VWA8: variants seen among roughly 807,000 people sequenced by gnomAD.
The protein encoded by VWA8 is von Willebrand factor A domain-containing protein 8.
Under a neutral mutation model 241.5 loss-of-function variants are expected in VWA8, and 221 were observed. The ratio of observed to expected loss-of-function variants is 0.91; its 90% CI spans 0.82 to 1.02. The LOEUF is 1.02. Ranked by LOEUF, VWA8 falls within the 50% of genes least tolerant of loss-of-function variation. VWA8 has a pLI of 0.00. For synonymous variants in VWA8, 852 were observed against 827.1 expected, an observed-to-expected ratio of 1.03 and a Z score of -0.52; for missense variants, 2,322 against 2,328.7, an observed-to-expected ratio of 1.00 and a Z score of 0.06.
At chr13:41,731,816 G>A (rs1420125588) in intron 22 of VWA8, among the ~76,000 whole-genome samples, 1 of 152,158 alleles carries the variant, frequency 6.6e-6, no homozygotes, top group Non-Finnish European at 1.5e-5. Flanking sequence ...AAACCCCATT[G>A]CTTGGTTCTC....
intron 21 of VWA8, among the ~76,000 whole-genome samples, chr13:41,750,432 AAACAACAACAAC>A (rs148479463): frequency 6.9e-6 from 1 of 144,404 alleles, no homozygotes; most frequent in Non-Finnish European, 1.5e-5. Flanking sequence ...ACTCCATCTA[AAACAACAACAAC>A]AACAACAACA....
rs372503581 is a variant in VWA8 at position 41,646,931 on chromosome 13, T to C, written c.4611+24015A>G. ...AATGTCACTTACTGGCCACAGGACA[T>C]TGGGTGTACTATGTAATCTGTTTGA... On this transcript the variant is annotated intron_variant, in intron 37 of 44. Coordinates refer to ENST00000379310, the MANE Select transcript of VWA8 (RefSeq NM_015058.2). 2.4e-4 allele frequency among the ~76,000 whole-genome samples: 36 copies of C among 152,324 alleles called. No homozygotes were observed. In the East Asian group the frequency reaches 5.8e-3, roughly 25 times the overall value.
intron 9 of VWA8, among the ~76,000 whole-genome samples, chr13:41,875,951 A>G (rs1873878336): frequency 6.6e-6 from 1 of 151,986 alleles, no homozygotes; most frequent in African/African-American, 2.4e-5. Context: ...CTCCACCTCC[A>G]TATTCTCTAT....
At chr13:41,701,819 C>T (rs1039297427) in intron 27 of VWA8, among the ~76,000 whole-genome samples, 3 of 152,260 alleles carry the variant, frequency 2.0e-5, no homozygotes, top group Admixed American at 1.3e-4. Flanking sequence ...TCATTCCTTC[C>T]TAAGGCGAGA....
At chr13:41,714,857 T>A (rs9315859) in intron 26 of VWA8, among the ~76,000 whole-genome samples, 51,851 of 151,714 alleles carry the variant, frequency 0.34, 8,959 homozygotes, top group East Asian at 0.55. Context: ...GTACATGACA[T>A]CACGGTCAAT....
chr13:41,742,507 A>T (rs1254076619), intron 21 of VWA8, among the ~76,000 whole-genome samples: 1 of 152,222 alleles, frequency 6.6e-6, no homozygotes, highest in Non-Finnish European at 1.5e-5. Context: ...TTTTAAGAAG[A>T]CACATTCTAA....
rs190659043 is a variant in VWA8 at position 41,923,542 on chromosome 13, T to G, written c.242-11374A>C. Among the ~76,000 whole-genome samples, 142 of 152,262 alleles carry G rather than the reference T, an allele frequency of 9.3e-4. 1 individual carries two copies. Among genetic ancestry groups the G allele is most frequent in the African/African-American group, 3.1e-3 (128 of 41,544 alleles). ...ACCTCAAGTCATAGTGTTTCAGTAATTTTGTAAGACCCCGGGCCTAGGAAT... is the reference window on the plus strand; with the variant it reads ...ACCTCAAGTCATAGTGTTTCAGTAAGTTTGTAAGACCCCGGGCCTAGGAAT... On this transcript the variant is annotated intron_variant, in intron 2 of 44. Coordinates refer to ENST00000379310, the MANE Select transcript of VWA8 (RefSeq NM_015058.2).
chr13:41,751,409 T>C (rs1047873872), intron 21 of VWA8, among the ~76,000 whole-genome samples: 1 of 152,172 alleles, frequency 6.6e-6, no homozygotes, highest in African/African-American at 2.4e-5. Flanking sequence ...GCGGCTGACA[T>C]TGGACAGGGC....
intron 21 of VWA8, among the ~76,000 whole-genome samples, chr13:41,754,763 C>G (rs1315678919): frequency 2.6e-5 from 4 of 152,084 alleles, no homozygotes; most frequent in Non-Finnish European, 5.9e-5. Flanking sequence ...CACTATTCTT[C>G]CTAGCCTCTG....
chr13:41,727,885 A>G (rs2045449616), intron 23 of VWA8, among the ~76,000 whole-genome samples: 1 of 152,184 alleles, frequency 6.6e-6, no homozygotes, highest in Admixed American at 6.5e-5. Context: ...ATTGTACCAT[A>G]GTTCTTAAAA....
chr13:41,625,936 C>T (rs967434269), intron 37 of VWA8, among the ~76,000 whole-genome samples: 8 of 151,542 alleles, frequency 5.3e-5, no homozygotes, highest in Non-Finnish European at 7.4e-5. Context: ...TTTGTAGGGA[C>T]GTGGATGAAG....
At chr13:41,572,153 G>GC (rs1344087852) in intron 43 of VWA8, among the ~76,000 whole-genome samples, 2 of 151,664 alleles carry the variant, frequency 1.3e-5, no homozygotes, top group African/African-American at 4.9e-5. Flanking sequence ...CCGCCTGGCA[G>GC]CCGCCCCGTC....
At chr13:41,645,030 G>A (rs1264006476) in intron 37 of VWA8, among the ~76,000 whole-genome samples, 2 of 152,290 alleles carry the variant, frequency 1.3e-5, no homozygotes, top group African/African-American at 2.4e-5. Context: ...TAAAAGCACA[G>A]ACATTGGAAC....
At chr13:41,577,664 A>G (rs2044359021) in intron 42 of VWA8, among the ~76,000 whole-genome samples, 1 of 152,214 alleles carries the variant, frequency 6.6e-6, no homozygotes, top group Admixed American at 6.5e-5. Flanking sequence ...AGAAAGTGCC[A>G]GGCAGGTTGC....
chr13:41,750,024 A>T (rs190490404), intron 21 of VWA8, among the ~76,000 whole-genome samples: 5 of 150,748 alleles, frequency 3.3e-5, no homozygotes, highest in African/African-American at 1.2e-4. Flanking sequence ...AAAGTATATT[A>T]AAAAAAAAGA....
chr13:41,576,561 G>A lies in VWA8; in HGVS notation c.5272-723C>T, dbSNP rs977815817. ...GGAAGTGAGAAGAAGGGTTTCCTAG[G>A]GAAGATGAGTCCCATTATAGATATG... On this transcript the variant is annotated intron_variant, in intron 42 of 44. Coordinates refer to ENST00000379310, the MANE Select transcript of VWA8 (RefSeq NM_015058.2). Among the ~76,000 whole-genome samples the A allele has an allele frequency of 7.2e-5, 11 of 152,298 alleles. No individual in the cohort carries two copies. In the South Asian group the frequency reaches 2.3e-3, roughly 32 times the overall value.
intron 12 of VWA8, among the ~76,000 whole-genome samples, chr13:41,852,355 C>A (rs1872560540): frequency 6.6e-6 from 1 of 152,136 alleles, no homozygotes; most frequent in South Asian, 2.1e-4. Flanking sequence ...TGTCAGCTGT[C>A]ATTTGCAAAT....
At chr13:41,615,857 T>G (rs770592334) in intron 37 of VWA8, among the ~76,000 whole-genome samples, 3 of 152,228 alleles carry the variant, frequency 2.0e-5, no homozygotes, top group Admixed American at 6.5e-5. Context: ...GTCAGTTCAG[T>G]AGATACTACT....
At chr13:41,911,542 G>C (rs1202973926) in intron 3 of VWA8, among the ~76,000 whole-genome samples, 1 of 152,162 alleles carries the variant, frequency 6.6e-6, no homozygotes, top group Admixed American at 6.5e-5. Context: ...TTTAACCTCT[G>C]TGAACTTGTT....
Sources: allele counts gnomAD v4.1 joint callset (sites outside exome capture counted in the v4.1 genomes callset), GRCh38; gene constraint gnomAD v4.1.1; transcripts MANE v1.5; gene names NCBI Gene and HGNC (gene_info 2026-07-23, HGNC 2026-07-21).